Variants in CSMD1 observed in about 807,000 individuals in gnomAD.
CSMD1 encodes CUB and sushi domain-containing protein 1.
Under a neutral mutation model 417.5 loss-of-function variants are expected in CSMD1, and 213 were observed. That is an observed-to-expected ratio of 0.51 (90% CI 0.46 to 0.57). CSMD1 has a LOEUF of 0.57. CSMD1 is among the 20% of genes least tolerant of loss of function. CSMD1 has a pLI of 0.00. For missense variants in CSMD1, 6,923 were observed against 4,529.7 expected (o/e 1.53, Z -15.17); for synonymous variants, 2,862 against 1,736.8 (o/e 1.65, Z -16.11).
intron 10 of CSMD1, among the ~76,000 whole-genome samples, chr8:3,538,546 G>A (rs1364674683): frequency 2.6e-5 from 4 of 152,194 alleles, no homozygotes; most frequent in East Asian, 1.9e-4. Flanking sequence ...CTGCGATGCC[G>A]CACTTGAGCT....
chr8:3,238,767 G>A (rs1471262267), intron 26 of CSMD1, among the ~76,000 whole-genome samples: 5 of 152,280 alleles, frequency 3.3e-5, no homozygotes, highest in Admixed American at 6.5e-5. Context: ...AGTGCCTGAC[G>A]AGGTTCAGCA....
chr8:3,187,056 A>G (rs1311113860), intron 36 of CSMD1, among the ~76,000 whole-genome samples: 1 of 152,214 alleles, frequency 6.6e-6, no homozygotes, highest in East Asian at 1.9e-4. Flanking sequence ...TACTCAAGAT[A>G]AAATTAAGCA....
intron 5 of CSMD1, among the ~76,000 whole-genome samples, chr8:3,961,881 C>T (rs1191217229): frequency 6.6e-6 from 1 of 152,184 alleles, no homozygotes; most frequent in Non-Finnish European, 1.5e-5. Flanking sequence ...AACAGCGCAT[C>T]CTGCCTTACG....
Position 3,307,782 on chromosome 8 carries a change from C to G in CSMD1, c.3863G>C (p.Arg1288Pro), listed in dbSNP as rs780978438. 8 of 1,613,574 alleles carry G rather than the reference C, an allele frequency of 5.0e-6. No homozygotes were observed. The highest frequency in any genetic ancestry group is 1.7e-4 in the Middle Eastern group (1 of 6,058). Reference protein sequence around the residue: ...GGQIHAATSGRILSPGYPAPY... With the variant: ...GGQIHAATSGPILSPGYPAPY... ...AGCTGGATAGCCAGGGGACAATATT[C>G]GTCCTGATGTGGCTGCATGGATCTG... The change falls in exon 25 of 70, where the codon CGA becomes CCA. Residue 1288 changes from arginine to proline, a missense_variant. Coordinates refer to ENST00000635120, the MANE Select transcript of CSMD1 (RefSeq NM_033225.6).
intron 1 of CSMD1, among the ~76,000 whole-genome samples, chr8:4,850,004 C>T (rs898357557): frequency 1.2e-4 from 18 of 152,134 alleles, no homozygotes; most frequent in African/African-American, 9.7e-5. Flanking sequence ...AGCAGACATG[C>T]GGGTTCTAAT....
At chr8:4,150,920 T>A (rs1796540598) in intron 3 of CSMD1, among the ~76,000 whole-genome samples, 1 of 152,196 alleles carries the variant, frequency 6.6e-6, no homozygotes, top group African/African-American at 2.4e-5. Flanking sequence ...TTCCCTCTCC[T>A]GTGCTTTAAT....
At chr8:4,527,411 T>G (rs1476081474) in intron 2 of CSMD1, among the ~76,000 whole-genome samples, 2 of 152,340 alleles carry the variant, frequency 1.3e-5, no homozygotes, top group Non-Finnish European at 2.9e-5. Context: ...TTTTCTGAAC[T>G]TATTTTAGGC....
At chr8:3,097,500 T>C (rs1224377282) in intron 46 of CSMD1, among the ~76,000 whole-genome samples, 3 of 152,204 alleles carry the variant, frequency 2.0e-5, no homozygotes, top group Admixed American at 2.0e-4. Context: ...GCCCTAGTGA[T>C]GCCTGATGCT....
chr8:3,223,905 C>T lies in CSMD1; in HGVS notation c.4346-38G>A, dbSNP rs372145866. On this transcript the variant is annotated intron_variant, in intron 27 of 69. Coordinates refer to ENST00000635120, the MANE Select transcript of CSMD1 (RefSeq NM_033225.6). ...AAAAGTTACAGAGAAAAAGTAAGGA[C>T]AGCGAAGAACGCCTGCCAGTCAGTG... 1.6e-5 allele frequency: 25 copies of T among 1,606,102 alleles called. No homozygotes were observed. In the African/African-American group the frequency reaches 3.1e-4, roughly 20 times the overall value.
intron 3 of CSMD1, among the ~76,000 whole-genome samples, chr8:4,064,164 T>C (rs888527808): frequency 3.3e-5 from 5 of 152,220 alleles, no homozygotes; most frequent in African/African-American, 1.2e-4. Context: ...AGTTTGACTA[T>C]GAAAAGTGCA....
chr8:4,053,547 C>G (rs1798542175), intron 3 of CSMD1, among the ~76,000 whole-genome samples: 1 of 152,246 alleles, frequency 6.6e-6, no homozygotes, highest in East Asian at 1.9e-4. Context: ...AAGTGGTTTT[C>G]TCTGACCTTG....
At chr8:4,701,782 G>A (rs945286344) in intron 1 of CSMD1, among the ~76,000 whole-genome samples, 3 of 79,848 alleles carry the variant, frequency 3.8e-5, no homozygotes, top group Non-Finnish European at 6.6e-5. Context: ...GAAAACCTTG[G>A]GTGGAAGATT....
At chr8:4,157,940 T>G (rs768200527) in intron 3 of CSMD1, among the ~76,000 whole-genome samples, 1 of 152,122 alleles carries the variant, frequency 6.6e-6, no homozygotes, top group Non-Finnish European at 1.5e-5. Context: ...AGCTGTAAGG[T>G]TCAGAACATC....
At position 3,175,254 on chromosome 8, in the gene CSMD1, G is replaced by A. The variant is rs73657593; in HGVS notation, c.5725+5856C>T. ...TACTCCCACCTGGTAAAGAAATAGCGTCAATTCAAATAATGAAAGAGTTGT... is the reference window on the plus strand; with the variant it reads ...TACTCCCACCTGGTAAAGAAATAGCATCAATTCAAATAATGAAAGAGTTGT... On this transcript the variant is annotated intron_variant, in intron 37 of 69. Coordinates refer to ENST00000635120, the MANE Select transcript of CSMD1 (RefSeq NM_033225.6). Among the ~76,000 whole-genome samples, 1,054 of 152,164 alleles carry A rather than the reference G, an allele frequency of 6.9e-3. 19 individuals carry two copies. Among genetic ancestry groups the A allele is most frequent in the African/African-American group, 0.024 (1,009 of 41,512 alleles).
intron 3 of CSMD1, among the ~76,000 whole-genome samples, chr8:4,329,460 G>C (rs568904991): frequency 2.0e-5 from 3 of 152,156 alleles, no homozygotes; most frequent in Non-Finnish European, 4.4e-5. Flanking sequence ...GCTAATTTTT[G>C]TATTTTCAGG....
rs960887911 is a variant in CSMD1 at position 4,412,334 on chromosome 8, A to G, written c.415+7619T>C. On this transcript the variant is annotated intron_variant, in intron 3 of 69. Coordinates refer to ENST00000635120, the MANE Select transcript of CSMD1 (RefSeq NM_033225.6). ...GACACAGCGCAAAAGATTCACCAAA[A>G]TTGAACTGAAAAGTGTGTGGCACCT... is the stretch of plus-strand genomic sequence containing the variant. Among the ~76,000 whole-genome samples, 10 of 151,646 alleles carry G rather than the reference A, an allele frequency of 6.6e-5. No homozygotes were observed. In the East Asian group the frequency reaches 1.9e-3, roughly 29 times the overall value.
chr8:4,058,837 A>G (rs896999533), intron 3 of CSMD1, among the ~76,000 whole-genome samples: 19 of 151,652 alleles, frequency 1.3e-4, no homozygotes, highest in African/African-American at 4.6e-4. Flanking sequence ...CCACACAATA[A>G]TAATGGGAGA....
At chr8:2,967,432 G>A (rs1804062251) in intron 57 of CSMD1, among the ~76,000 whole-genome samples, 1 of 152,132 alleles carries the variant, frequency 6.6e-6, no homozygotes, top group Non-Finnish European at 1.5e-5. Flanking sequence ...AGTGCAACAG[G>A]TCTACACTCT....
At chr8:3,611,003 G>A (rs1465722049) in intron 8 of CSMD1, among the ~76,000 whole-genome samples, 1 of 146,710 alleles carries the variant, frequency 6.8e-6, no homozygotes, top group East Asian at 2.1e-4. Context: ...AACACCGCAT[G>A]TTCTCACTCA....
Sources: allele counts gnomAD v4.1 joint callset (sites outside exome capture counted in the v4.1 genomes callset), GRCh38; gene constraint gnomAD v4.1.1; transcripts MANE v1.5; gene names NCBI Gene and HGNC (gene_info 2026-07-23, HGNC 2026-07-21).